The following NLRP5 variants were observed in gnomAD, a reference collection of about 807,000 sequenced individuals.
NLRP5 encodes the protein NLR family pyrin domain containing 5, also known as NACHT, LRR and PYD domains-containing protein 5.
Under a neutral mutation model 113.1 loss-of-function variants are expected in NLRP5, and 93 were observed. That is an observed-to-expected ratio of 0.82 (90% CI 0.70 to 0.98). The LOEUF is 0.98. Ranked by LOEUF, NLRP5 falls within the 50% of genes least tolerant of loss-of-function variation. The pLI, the probability that NLRP5 is intolerant of heterozygous loss-of-function variation, is 0.00. For missense variants in NLRP5, 1,808 were observed against 1,514.3 expected (o/e 1.19, Z -3.22); for synonymous variants, 751 against 600.7 (o/e 1.25, Z -3.66).
chr19:56,037,883 C>G, intron 9 of NLRP5, 142 bp from the exon 10 acceptor site: 1 of 767,250 alleles, frequency 1.3e-6, no homozygotes, highest in South Asian at 1.8e-5. Context: ...GAAGGAACAG[C>G]AACTTCTCAG....
chr19:56,000,279 G>A (rs1196323932), intron 1 of NLRP5, among the ~76,000 whole-genome samples: 1 of 151,312 alleles, frequency 6.6e-6, no homozygotes, highest in Non-Finnish European at 1.5e-5. Context: ...CTTTTCAGAG[G>A]CCCTTCCTGT....
rs934955184 is a variant in NLRP5, at chr19:56,003,605, G to A, written c.63-111G>A. The A allele has an allele frequency of 4.6e-6, 5 of 1,091,952 alleles. No homozygotes were observed. In the Admixed American group the frequency reaches 9.8e-5, roughly 21 times the overall value. 67.6% of individuals were successfully genotyped at this position (1,091,952 alleles called of 1,614,324 possible). The stretch of plus-strand genomic sequence containing the variant: ...AGTAATAGGATAAACAGATATTGTG[G>A]CAACAAATGCTTCGTCCATGAAGAA... On this transcript the variant is annotated intron_variant, in intron 1 of 14. Transcript: ENST00000390649.
At chr19:56,024,419 T>TATA (rs1279164133) in intron 6 of NLRP5, among the ~76,000 whole-genome samples, 6 of 124,738 alleles carry the variant, frequency 4.8e-5, no homozygotes, top group African/African-American at 1.9e-4. Flanking sequence ...TATGTATATA[T>TATA]GTTATATATA....
chr19:56,022,396 TG>T (rs1982648706), intron 6 of NLRP5, among the ~76,000 whole-genome samples: 1 of 129,980 alleles, frequency 7.7e-6, no homozygotes, highest in African/African-American at 2.6e-5. Context: ...TTTTCATATT[TG>T]TTATAGAAAG....
At chr19:55,988,018 G>A in the NLRP5 span, 1 of 833,380 alleles carries the variant, frequency 1.2e-6, no homozygotes, top group Non-Finnish European at 2.0e-6. Flanking sequence ...ACTTTCCCCT[G>A]AAACAGAGCA....
In NLRP5 at chr19:55,999,754, G is replaced by T. The variant is rs2123260978; in HGVS notation, c.29G>T (p.Gly10Val). 6.2e-7 allele frequency: 1 copy of T among 1,613,548 alleles called. No individual in the cohort carries two copies. Among genetic ancestry groups the T allele is most frequent in the Non-Finnish European group, 8.5e-7 (1 of 1,179,620 alleles). The change falls in exon 1 of 15, where the codon GGA becomes GTA. Residue 10 changes from glycine to valine, a missense_variant. Gly to Val is a moderately radical substitution (Grantham distance 109). Transcript: ENST00000390649. ...AAGGTTGCAGGAGGACTTGAACTTGGAGCTGCTGCTCTGCTCTCAGCATCA... is the reference window on the plus strand; with the variant it reads ...AAGGTTGCAGGAGGACTTGAACTTGTAGCTGCTGCTCTGCTCTCAGCATCA...
intron 3 of NLRP5, among the ~76,000 whole-genome samples, chr19:56,011,158 A>T (rs1013656557): frequency 9.0e-5 from 13 of 145,222 alleles, no homozygotes; most frequent in Admixed American, 2.1e-4. Flanking sequence ...GTCTTTAAAA[A>T]ATATATATAC....
At chr19:55,995,525 A>G (rs140048968), upstream of NLRP5, among the ~76,000 whole-genome samples, 1 of 152,290 alleles carries the variant, frequency 6.6e-6, no homozygotes, top group African/African-American at 2.4e-5. Flanking sequence ...GAAGTCAGGT[A>G]ATATGCCTCC....
At chr19:56,012,383 C>T (rs1285239927) in intron 3 of NLRP5, among the ~76,000 whole-genome samples, 1 of 150,208 alleles carries the variant, frequency 6.7e-6, no homozygotes, top group East Asian at 2.0e-4. Context: ...CTCCTGACCT[C>T]GTGATCCACC....
chr19:55,987,777 T>C, the NLRP5 span: 36 of 1,502,578 alleles, frequency 2.4e-5, 1 homozygote, highest in South Asian at 3.0e-4. Context: ...CCTCAGAAAA[T>C]AACCTCAACC....
At chr19:56,051,353 C>G (rs138117549) in intron 12 of NLRP5, among the ~76,000 whole-genome samples, 2 of 152,038 alleles carry the variant, frequency 1.3e-5, no homozygotes, top group African/African-American at 4.8e-5. Context: ...CCACCAGTCC[C>G]GGCTAATTTT....
chr19:55,999,010 C>A (rs879290337), upstream of NLRP5, among the ~76,000 whole-genome samples: 5 of 151,496 alleles, frequency 3.3e-5, no homozygotes, highest in Non-Finnish European at 7.4e-5. Context: ...TCATTATTAA[C>A]TCTAGTTGCC....
At chr19:55,995,719 G>A (rs1599871499), upstream of NLRP5, among the ~76,000 whole-genome samples, 1 of 152,088 alleles carries the variant, frequency 6.6e-6, no homozygotes, top group African/African-American at 2.4e-5. Context: ...ATCAGTGAAC[G>A]TTAGATGTCT....
chr19:56,053,800 G>A lies in NLRP5; in HGVS notation c.3291G>A (p.Ala1097=), dbSNP rs768735027. 9.3e-6 allele frequency: 15 copies of A among 1,613,294 alleles called. No homozygotes were observed. Among genetic ancestry groups the A allele is most frequent in the East Asian group, 2.2e-5 (1 of 44,858 alleles). ...TGAAGCAAAAGAACAGTGTTCTGGC[G>A]AGACTCGGGTAACTTCCTGGGGCGC... Residue 1097 remains alanine, a synonymous_variant, in exon 13 of 15, where the codon GCG becomes GCA. Transcript: ENST00000390649.
intron 6 of NLRP5, among the ~76,000 whole-genome samples, chr19:56,024,858 C>G (rs1007258959): frequency 6.6e-6 from 1 of 152,092 alleles, no homozygotes; most frequent in Non-Finnish European, 1.5e-5. Flanking sequence ...AGGCCATGGA[C>G]TTGTAGGGTG....
chr19:56,046,969 G>C (rs1285668947), intron 11 of NLRP5, among the ~76,000 whole-genome samples: 6 of 152,158 alleles, frequency 3.9e-5, no homozygotes, highest in Non-Finnish European at 7.3e-5. Context: ...CCTGATTTAA[G>C]CTAGGAGGGT....
chr19:55,996,260 T>C (rs931050590), upstream of NLRP5, among the ~76,000 whole-genome samples: 3 of 152,220 alleles, frequency 2.0e-5, no homozygotes, highest in Non-Finnish European at 4.4e-5. Flanking sequence ...AGTATAATGC[T>C]AGCTGTGGGT....
rs370612026 is a variant in NLRP5, at chr19:56,004,028, G to A, written c.375G>A (p.Thr125=). 34 of 1,613,716 alleles carry A rather than the reference G, an allele frequency of 2.1e-5. No individual in the cohort carries two copies. The highest frequency in any genetic ancestry group is 5.5e-5 in the South Asian group (5 of 91,050). ...ATGGAGCATCGCTGGCCTGGGCTAC[G>A]TCCATTAGCATCTTTGAAAACATGA... The change falls in exon 2 of 15, where the codon ACG becomes ACA. Residue 125 remains threonine, a synonymous_variant. Transcript: ENST00000390649.
chr19:56,031,798 T>C (rs1255754628), intron 7 of NLRP5, among the ~76,000 whole-genome samples: 1 of 152,170 alleles, frequency 6.6e-6, no homozygotes, highest in Non-Finnish European at 1.5e-5. Flanking sequence ...ATGTATCACA[T>C]GTTCTTTGTT....
Sources: allele counts gnomAD v4.1 joint callset (sites outside exome capture counted in the v4.1 genomes callset), GRCh38; gene constraint gnomAD v4.1.1; transcripts MANE v1.5; gene names NCBI Gene and HGNC (gene_info 2026-07-23, HGNC 2026-07-21).